Variants in CEP128 observed in about 807,000 individuals in gnomAD.
CEP128 encodes the protein centrosomal protein 128kDa.
In CEP128, 132 loss-of-function variants were observed where a neutral mutation model predicts 156.7. That is an observed-to-expected ratio of 0.84 (90% confidence interval 0.73 to 0.97). The LOEUF is 0.97. Ranked by LOEUF, CEP128 falls within the 50% of genes least tolerant of loss-of-function variation. The pLI is 0.00. For missense variants in CEP128, 1,252 were observed against 1,281.9 expected (o/e 0.98, Z 0.36); for synonymous variants, 469 against 448.9 (o/e 1.04, Z -0.57).
At chr14:80,880,799 G>A (rs1888500871) in intron 8 of CEP128, among the ~76,000 whole-genome samples, 1 of 149,806 alleles carries the variant, frequency 6.7e-6, no homozygotes, top group Admixed American at 6.7e-5. Flanking sequence ...GGAGGTGGAG[G>A]TTGCAGTGAG....
intron 8 of CEP128, among the ~76,000 whole-genome samples, chr14:80,885,976 G>A (rs1005155816): frequency 2.0e-5 from 3 of 151,942 alleles, no homozygotes; most frequent in Non-Finnish European, 2.9e-5. Flanking sequence ...AGAACTTCGC[G>A]AAGCATAGAC....
chr14:80,917,234 C>G (rs1486273804), intron 2 of CEP128, among the ~76,000 whole-genome samples: 1 of 152,178 alleles, frequency 6.6e-6, no homozygotes, highest in Non-Finnish European at 1.5e-5. Context: ...TTCTTCCATC[C>G]TTACCTCAGT....
Position 80,919,647 on chromosome 14 carries a change from G to T in CEP128, c.-15-3085C>A, listed in dbSNP as rs1884744144. Among the ~76,000 whole-genome samples the T allele has an allele frequency of 2.0e-5, 3 of 151,962 alleles. No individual in the cohort carries two copies. The South Asian group carries it at 6.2e-4, about 32-fold the overall frequency. ...GAATTGATAAATATTAATAAGTAAA[G>T]ATACGGGGGCATCTGAATTTAACTC... On this transcript the variant is annotated intron_variant, in intron 2 of 24. Transcript: ENST00000555265.
At chr14:80,663,755 GC>G (rs989692657) in intron 19 of CEP128, among the ~76,000 whole-genome samples, 1 of 152,188 alleles carries the variant, frequency 6.6e-6, no homozygotes, top group African/African-American at 2.4e-5. Flanking sequence ...CAGGCCTGCA[GC>G]CAGAGAGCTA....
chr14:80,943,185 A>G (rs543229550), upstream of CEP128, among the ~76,000 whole-genome samples: 1 of 152,260 alleles, frequency 6.6e-6, no homozygotes, highest in African/African-American at 2.4e-5. Flanking sequence ...TATGCTGTAT[A>G]TTTCTAGTAT....
intron 9 of CEP128, among the ~76,000 whole-genome samples, chr14:80,857,673 C>T (rs572707989): frequency 7.3e-5 from 11 of 149,760 alleles, no homozygotes; most frequent in Non-Finnish European, 1.5e-4. Context: ...CCCAGGAATT[C>T]GAGGCTGTAG....
intron 21 of CEP128, among the ~76,000 whole-genome samples, chr14:80,542,533 T>C (rs1249246725): frequency 6.6e-6 from 1 of 152,164 alleles, no homozygotes. Context: ...ATAGACAGTA[T>C]AGACCGAGTT....
chr14:80,596,220 T>C (rs1892312460), intron 19 of CEP128, among the ~76,000 whole-genome samples: 2 of 152,114 alleles, frequency 1.3e-5, no homozygotes, highest in African/African-American at 4.8e-5. Context: ...CATGGCCCGA[T>C]GTTATGCTAT....
At chr14:80,934,756 C>G (rs1052529849) in intron 2 of CEP128, among the ~76,000 whole-genome samples, 3 of 152,114 alleles carry the variant, frequency 2.0e-5, no homozygotes, top group African/African-American at 7.2e-5. Flanking sequence ...CTTAAAGCAA[C>G]CTTCTAAATA....
chr14:80,840,301 T>C (rs1402801608), intron 10 of CEP128, among the ~76,000 whole-genome samples: 1 of 152,168 alleles, frequency 6.6e-6, no homozygotes, highest in East Asian at 1.9e-4. Context: ...GAGAATGTTT[T>C]CAGAACTGGC....
At chr14:80,856,027 T>C (rs766730908) in intron 9 of CEP128, among the ~76,000 whole-genome samples, 42 of 152,076 alleles carry the variant, frequency 2.8e-4, no homozygotes, top group Non-Finnish European at 5.7e-4. Flanking sequence ...CTTCATTAGG[T>C]TTTTCCAAAA....
At chr14:80,562,883 T>C (rs1403037726) in intron 20 of CEP128, among the ~76,000 whole-genome samples, 1 of 151,824 alleles carries the variant, frequency 6.6e-6, no homozygotes, top group East Asian at 1.9e-4. Context: ...AGGGTGGTCT[T>C]GTACTCCTGG....
At chr14:80,743,316 C>A in intron 18 of CEP128, 49 bp from the exon 19 acceptor site, 1 of 1,341,282 alleles carries the variant, frequency 7.5e-7, no homozygotes, top group Non-Finnish European at 1.0e-6. Flanking sequence ...CAGAAAAGAG[C>A]AGCATTTCAA....
At chr14:80,750,823 G>A (rs1286148492) in intron 18 of CEP128, among the ~76,000 whole-genome samples, 1 of 152,152 alleles carries the variant, frequency 6.6e-6, no homozygotes, top group Non-Finnish European at 1.5e-5. Flanking sequence ...GTTATGGATT[G>A]AATTCTGTCC....
intron 19 of CEP128, among the ~76,000 whole-genome samples, chr14:80,602,907 A>T (rs1892637533): frequency 6.6e-6 from 1 of 152,238 alleles, no homozygotes; most frequent in African/African-American, 2.4e-5. Flanking sequence ...AAATTAAAAA[A>T]CATACTCCTA....
chr14:80,694,305 G>A (rs993502396), intron 19 of CEP128, among the ~76,000 whole-genome samples: 1 of 152,136 alleles, frequency 6.6e-6, no homozygotes, highest in Non-Finnish European at 1.5e-5. Flanking sequence ...GTTGGTGGGA[G>A]TGTAAATTAG....
chr14:80,871,795 G>C (rs1218366647), intron 8 of CEP128, among the ~76,000 whole-genome samples: 1 of 151,882 alleles, frequency 6.6e-6, no homozygotes, highest in Non-Finnish European at 1.5e-5. Context: ...CTCCATATTT[G>C]GTTATAAAAA....
chr14:80,853,477 T>C (rs1441763624), intron 9 of CEP128, among the ~76,000 whole-genome samples: 2 of 151,362 alleles, frequency 1.3e-5, no homozygotes, highest in Non-Finnish European at 3.0e-5. Context: ...AAGCCAGTTG[T>C]ACCCCTGTAT....
At chr14:80,763,523 C>A (rs956452945) in intron 16 of CEP128, among the ~76,000 whole-genome samples, 3 of 152,158 alleles carry the variant, frequency 2.0e-5, no homozygotes, top group African/African-American at 7.2e-5. Context: ...TGTGTATCTA[C>A]CACCTATACC....
Sources: allele counts gnomAD v4.1 joint callset (sites outside exome capture counted in the v4.1 genomes callset), GRCh38; gene constraint gnomAD v4.1.1; transcripts MANE v1.5; gene names NCBI Gene and HGNC (gene_info 2026-07-23, HGNC 2026-07-21).